Variants in ABCA1 observed in about 807,000 individuals in gnomAD.
The protein encoded by ABCA1 is ATP binding cassette subfamily A member 1, also known as phospholipid-transporting ATPase ABCA1.
A neutral mutation model predicts 262.5 loss-of-function variants in ABCA1; 133 were observed. The observed-to-expected ratio is 0.51, with a 90% CI of 0.44 to 0.59. ABCA1 has a LOEUF of 0.59. Among genes scored for constraint, ABCA1 ranks in the 20% least tolerant of loss-of-function variants. ABCA1 has a pLI of 0.00. For missense variants in ABCA1, 2,452 were observed against 2,777.5 expected (o/e 0.88, Z 2.63); for synonymous variants, 1,022 against 1,043.5 (o/e 0.98, Z 0.40).
chr9:104,837,127 GA>G, intron 10 of ABCA1, 31 bp from the exon 11 acceptor site: 3 of 1,535,118 alleles, frequency 2.0e-6, no homozygotes. Flanking sequence ...AGGGACCGCA[GA>G]AAAAGGAGGA....
chr9:104,820,080 G>A lies in ABCA1; in HGVS notation c.2961-11C>T, dbSNP rs758562247. 1.9e-6 allele frequency: 3 copies of A among 1,613,964 alleles called. No homozygotes were observed. The highest frequency in any genetic ancestry group is 1.3e-5 in the African/African-American group (1 of 74,882). Reference sequence around the variant, plus strand: ...TCTTCGACAGTCAGCCTGGGGACAGGGAGGCAGGTCAGCTCTGGGCCCTAC... The same window carrying A: ...TCTTCGACAGTCAGCCTGGGGACAGAGAGGCAGGTCAGCTCTGGGCCCTAC... On this transcript the variant is annotated splice_polypyrimidine_tract_variant and intron_variant, in intron 20 of 49. Transcript: ENST00000374736.
At chr9:104,895,063 A>C (rs559127828) in intron 2 of ABCA1, among the ~76,000 whole-genome samples, 11 of 152,318 alleles carry the variant, frequency 7.2e-5, no homozygotes, top group Non-Finnish European at 1.5e-4. Flanking sequence ...TTTCCTAAAC[A>C]TAAACCCTCA....
intron 5 of ABCA1, among the ~76,000 whole-genome samples, chr9:104,874,830 C>T (rs1348479930): frequency 7.4e-6 from 1 of 135,680 alleles, no homozygotes; most frequent in Non-Finnish European, 1.5e-5. Flanking sequence ...AGGTGGGGGC[C>T]AGCCCCCGCC....
chr9:104,884,710 A>C, intron 3 of ABCA1, 142 bp from the exon 4 acceptor site: 1 of 1,006,098 alleles, frequency 9.9e-7, no homozygotes, highest in Non-Finnish European at 1.5e-6. Flanking sequence ...TTCTGAATAA[A>C]ACTGACTCTC....
At chr9:104,823,889 T>C (rs1281297171) in intron 18 of ABCA1, among the ~76,000 whole-genome samples, 1 of 152,142 alleles carries the variant, frequency 6.6e-6, no homozygotes. Flanking sequence ...CAGAAGAGAC[T>C]GGCAGAAAAG....
intron 7 of ABCA1, among the ~76,000 whole-genome samples, chr9:104,850,944 A>G (rs921260177): frequency 2.0e-5 from 3 of 152,248 alleles, no homozygotes; most frequent in Non-Finnish European, 4.4e-5. Flanking sequence ...TTTCTGAGTT[A>G]AGATAACAGG....
At chr9:104,791,130 G>T in intron 43 of ABCA1, 102 bp from the exon 44 acceptor site, 2 of 786,938 alleles carry the variant, frequency 2.5e-6, no homozygotes, top group South Asian at 2.9e-5. Context: ...AAATATCAGA[G>T]AAGAATCAAA....
At chr9:104,826,026 T>C in intron 16 of ABCA1, 139 bp from the exon 17 acceptor site, 4 of 849,040 alleles carry the variant, frequency 4.7e-6, no homozygotes, top group Non-Finnish European at 7.8e-6. Flanking sequence ...TATTTACCTA[T>C]AGAGTCCCTT....
Position 104,804,729 on chromosome 9 carries a change from A to G in ABCA1, c.4465-9T>C. ...GCAGTGTTTTGTTTTCTCTGTCATC[A>G]CATGAAAACCAAGCATACGGGTCTT... On this transcript the variant is annotated splice_polypyrimidine_tract_variant and intron_variant, in intron 31 of 49. Coordinates refer to ENST00000374736, the MANE Select transcript of ABCA1 (RefSeq NM_005502.4). 2 of 1,608,938 alleles carry G rather than the reference A, an allele frequency of 1.2e-6. No homozygotes were observed. The highest frequency in any genetic ancestry group is 1.7e-6 in the Non-Finnish European group (2 of 1,175,198).
intron 29 of ABCA1, among the ~76,000 whole-genome samples, chr9:104,810,335 A>T (rs781240622): frequency 6.6e-6 from 1 of 151,988 alleles, no homozygotes; most frequent in Non-Finnish European, 1.5e-5. Context: ...GGATATTTTT[A>T]TCTAAAGAAC....
chr9:104,855,223 G>GTC, intron 7 of ABCA1: 6 of 920,208 alleles, frequency 6.5e-6, no homozygotes, highest in Non-Finnish European at 7.8e-6. Context: ...CTGAGACAGA[G>GTC]TCTCACTCTG....
chr9:104,804,692 T>C lies in ABCA1; in HGVS notation c.4493A>G (p.Gln1498Arg). The C allele has an allele frequency of 6.8e-6, 11 of 1,614,212 alleles. No homozygotes were observed. Among genetic ancestry groups the C allele is most frequent in the Non-Finnish European group, 9.3e-6 (11 of 1,180,004 alleles). ...QRKQNTADIL[Q>R]DLTGRNISDY... ...CGAAATGTTTCTTCCTGTCAGGTCCTGAAGGATATCTGCAGTGTTTTGTTT... is the reference window on the plus strand; with the variant it reads ...CGAAATGTTTCTTCCTGTCAGGTCCCGAAGGATATCTGCAGTGTTTTGTTT... Residue 1498 changes from glutamine (Q) to arginine (R), a missense_variant, in exon 32 of 50, where the codon CAG becomes CGG. Gln to Arg is a conservative substitution (Grantham distance 43). Coordinates refer to ENST00000374736, the MANE Select transcript of ABCA1 (RefSeq NM_005502.4).
At chr9:104,803,734 A>C (rs570115301) in intron 32 of ABCA1, among the ~76,000 whole-genome samples, 2 of 151,990 alleles carry the variant, frequency 1.3e-5, no homozygotes, top group Non-Finnish European at 2.9e-5. Flanking sequence ...CAGCCTCCCA[A>C]GTAGCTGGGA....
At chr9:104,858,319 AT>A (rs1426402071) in intron 7 of ABCA1, among the ~76,000 whole-genome samples, 4 of 152,230 alleles carry the variant, frequency 2.6e-5, no homozygotes, top group African/African-American at 4.8e-5. Context: ...CACCCAGCTT[AT>A]TCTTCCCATT....
At chr9:104,842,481 A>G (rs1214713848) in intron 8 of ABCA1, among the ~76,000 whole-genome samples, 1 of 152,162 alleles carries the variant, frequency 6.6e-6, no homozygotes, top group Non-Finnish European at 1.5e-5. Flanking sequence ...CTTTCTAAAG[A>G]AGCACCATAA....
chr9:104,855,556 C>A, intron 7 of ABCA1: 1 of 1,042,568 alleles, frequency 9.6e-7, no homozygotes, highest in South Asian at 2.0e-5. Context: ...TTCTACTACT[C>A]ATGTCAATTA....
intron 12 of ABCA1, 130 bp from the exon 13 acceptor site, chr9:104,831,957 CGTA>C (rs1220060891): frequency 3.3e-6 from 3 of 909,382 alleles, no homozygotes; most frequent in Non-Finnish European, 5.4e-6. Context: ...TCCTCTCTAA[CGTA>C]GTTTTCCAAC....
Position 104,845,482 on chromosome 9 carries a change from G to C in ABCA1, c.808C>G (p.Gln270Glu), listed in dbSNP as rs774729640. The C allele has an allele frequency of 1.4e-5, 23 of 1,612,544 alleles. No homozygotes were observed. The highest frequency in any genetic ancestry group is 2.0e-5 in the Non-Finnish European group (23 of 1,178,780). Reference protein sequence around the residue: ...TLLHSLGTLAQELFSMRSWSD... With the variant: ...TLLHSLGTLAEELFSMRSWSD... ...ACTGGAAAGACACAACTTACCTCCT[G>C]GGCCAGAGTCCCAAGACTATGCAGC... Residue 270 changes from glutamine to glutamate, a missense_variant, in exon 8 of 50, where the codon CAG (glutamine) becomes GAG (glutamate). Transcript: ENST00000374736.
chr9:104,789,428 T>A (rs1829215024), intron 44 of ABCA1, among the ~76,000 whole-genome samples: 1 of 152,230 alleles, frequency 6.6e-6, no homozygotes, highest in African/African-American at 2.4e-5. Context: ...TTCCTTTACA[T>A]TGCTACTGCA....
Sources: gnomAD v4.1 joint callset for allele counts (sites outside exome capture counted in the v4.1 genomes callset) on GRCh38, gnomAD v4.1.1 for gene constraint, MANE v1.5 for transcripts, NCBI Gene and HGNC (gene_info 2026-07-23, HGNC 2026-07-21) for gene names.